The following RTL4 variants were observed in gnomAD, a reference collection of about 807,000 sequenced individuals.
RTL4 encodes the protein retrotransposon Gag-like protein 4.
In RTL4, 4 loss-of-function variants were observed where a neutral mutation model predicts 5.3. The observed-to-expected ratio is 0.75, with a 90% CI of 0.37 to 1.72. The LOEUF is 1.72. RTL4 is among the 40% of genes most tolerant of loss of function. The pLI is 0.04. For synonymous variants in RTL4, 98 were observed against 87.3 expected (o/e 1.12, Z -0.68); for missense variants, 260 against 227.1 (o/e 1.14, Z -0.93).
the RTL4 span, chrX:112,381,287 C>T: frequency 1.3e-3 from 1,592 of 1,206,764 alleles, 13 homozygotes; most frequent in African/African-American, 0.024. Context: ...TGCTGAGGGC[C>T]CCAGAAGGCT....
At chrX:112,386,734 A>G in the RTL4 span, among the ~76,000 whole-genome samples, 3 of 111,850 alleles carry the variant, frequency 2.7e-5, 1 homozygote, top group Middle Eastern at 0.014. Flanking sequence ...TGTATGCCAC[A>G]ATTTCTTTAT....
At chrX:112,340,147 T>C in the RTL4 span, among the ~76,000 whole-genome samples, 4,935 of 112,388 alleles carry the variant, frequency 0.044, 269 homozygotes, top group African/African-American at 0.15. Context: ...TAAATAGTTG[T>C]AGTTTACTGG....
the RTL4 span, among the ~76,000 whole-genome samples, chrX:112,233,599 T>G: frequency 8.9e-6 from 1 of 111,755 alleles, no homozygotes; most frequent in Non-Finnish European, 1.9e-5. Flanking sequence ...TTATTTTATT[T>G]AATGGAAGAT....
chrX:112,199,085 G>A, the RTL4 span, among the ~76,000 whole-genome samples: 1 of 110,131 alleles, frequency 9.1e-6, no homozygotes, highest in Non-Finnish European at 1.9e-5. Flanking sequence ...TCAGGAGATC[G>A]AGACCATCCT....
chrX:112,250,292 GAAAAGA>G, the RTL4 span, among the ~76,000 whole-genome samples: 1 of 109,663 alleles, frequency 9.1e-6, no homozygotes, highest in African/African-American at 3.3e-5. Context: ...AAAAAAAAAA[GAAAAGA>G]AAAAGAAAAT....
chrX:112,259,543 C>T, the RTL4 span, among the ~76,000 whole-genome samples: 12 of 109,576 alleles, frequency 1.1e-4, no homozygotes, highest in East Asian at 8.8e-4. Context: ...TGGCAAAAAC[C>T]GCAATTACTT....
chrX:112,110,495 A>G, the RTL4 span, among the ~76,000 whole-genome samples: 25 of 111,584 alleles, frequency 2.2e-4, 1 homozygote, highest in Admixed American at 1.9e-3. Flanking sequence ...TTGAGCTCTG[A>G]GGGGCACTGA....
the RTL4 span, among the ~76,000 whole-genome samples, chrX:112,276,748 A>G: frequency 8.9e-6 from 1 of 112,274 alleles, no homozygotes; most frequent in Admixed American, 9.4e-5. Context: ...GTATTTTAAC[A>G]TACTGGAGAT....
At chrX:112,439,245 A>T in the RTL4 span, among the ~76,000 whole-genome samples, 293 of 111,409 alleles carry the variant, frequency 2.6e-3, no homozygotes, top group African/African-American at 9.1e-3. Context: ...TTCCATATCA[A>T]TGGTGACAGT....
the RTL4 span, among the ~76,000 whole-genome samples, chrX:112,427,618 T>A: frequency 9.4e-4 from 105 of 111,373 alleles, 1 homozygote; most frequent in African/African-American, 3.2e-3. Context: ...CTACTTTGGA[T>A]TTTTTTCTTA....
chrX:112,434,151 A>AT, the RTL4 span, among the ~76,000 whole-genome samples: 1 of 104,435 alleles, frequency 9.6e-6, no homozygotes, highest in African/African-American at 3.5e-5. Flanking sequence ...TTTATTGAGG[A>AT]TTTTTGCATC....
the RTL4 span, among the ~76,000 whole-genome samples, chrX:112,256,070 G>A: frequency 8.9e-6 from 1 of 111,762 alleles, no homozygotes; most frequent in Admixed American, 9.5e-5. Flanking sequence ...ATAAACACCT[G>A]TTTGAGTGAG....
At chrX:112,422,877 C>G in the RTL4 span, among the ~76,000 whole-genome samples, 1 of 110,995 alleles carries the variant, frequency 9.0e-6, no homozygotes, top group African/African-American at 3.3e-5. Flanking sequence ...TGAGCCTCAG[C>G]TTTCCCATCT....
At chrX:112,161,844 C>CCTTCCTTT in the RTL4 span, among the ~76,000 whole-genome samples, 67 of 40,043 alleles carry the variant, frequency 1.7e-3, no homozygotes, top group African/African-American at 6.1e-3. Context: ...TTCCTTCCTT[C>CCTTCCTTT]CTTTCTTTCT....
At chrX:112,208,766 GC>G in the RTL4 span, among the ~76,000 whole-genome samples, 983 of 112,571 alleles carry the variant, frequency 8.7e-3, 12 homozygotes, top group African/African-American at 0.03. Context: ...GACCTCAGGA[GC>G]ATAGTTCAAC....
the RTL4 span, among the ~76,000 whole-genome samples, chrX:112,232,617 T>C: frequency 8.9e-6 from 1 of 111,942 alleles, no homozygotes; most frequent in Non-Finnish European, 1.9e-5. Context: ...GTGCTGAGTG[T>C]TCTGGGCATA....
chrX:112,299,106 T>A, the RTL4 span, among the ~76,000 whole-genome samples: 19 of 111,986 alleles, frequency 1.7e-4, no homozygotes, highest in Non-Finnish European at 2.8e-4. Flanking sequence ...GCTCCCTCAG[T>A]CTTTTCAATG....
At chrX:112,234,746 T>A in the RTL4 span, among the ~76,000 whole-genome samples, 1 of 112,148 alleles carries the variant, frequency 8.9e-6, no homozygotes, top group East Asian at 2.8e-4. Context: ...TTTGAATTTC[T>A]ACTTCAAGCA....
the RTL4 span, among the ~76,000 whole-genome samples, chrX:112,282,079 C>A: frequency 8.9e-6 from 1 of 111,991 alleles, no homozygotes. Context: ...TGTCATGGAG[C>A]TTGCATCCTG....
Sources: gnomAD v4.1 joint callset for allele counts (sites outside exome capture counted in the v4.1 genomes callset) on GRCh38, gnomAD v4.1.1 for gene constraint, MANE v1.5 for transcripts, NCBI Gene and HGNC (gene_info 2026-07-23, HGNC 2026-07-21) for gene names.